CACNA1C: variants seen among roughly 807,000 people sequenced by gnomAD.
The protein encoded by CACNA1C is voltage-dependent L-type calcium channel subunit alpha-1C.
In CACNA1C, 30 loss-of-function variants were observed where a neutral mutation model predicts 229.0. The ratio of observed to expected loss-of-function variants is 0.13; its 90% CI spans 0.10 to 0.18. The LOEUF (loss-of-function observed/expected upper bound fraction) is 0.18. Among genes scored for constraint, CACNA1C ranks in the 10% least tolerant of loss-of-function variants. CACNA1C has a pLI of 1.00. For missense variants in CACNA1C, 1,658 were observed against 2,845.0 expected (o/e 0.58, Z 9.49); for synonymous variants, 1,114 against 1,132.5 (o/e 0.98, Z 0.33).
intron 3 of CACNA1C, among the ~76,000 whole-genome samples, chr12:2,219,226 G>T (rs2060800343): frequency 6.6e-6 from 1 of 152,350 alleles, no homozygotes; most frequent in South Asian, 2.1e-4. Flanking sequence ...AACTGGCCAT[G>T]CAGGGATTTG....
At chr12:2,236,287 T>C (rs1272812227) in intron 3 of CACNA1C, among the ~76,000 whole-genome samples, 1 of 152,184 alleles carries the variant, frequency 6.6e-6, no homozygotes, top group Non-Finnish European at 1.5e-5. Context: ...AGCTCCCAGG[T>C]AATGTCAGTG....
chr12:2,593,147 T>C, intron 18 of CACNA1C, 66 bp from the exon 19 acceptor site: 2 of 1,547,320 alleles, frequency 1.3e-6, no homozygotes, highest in Non-Finnish European at 1.8e-6. Flanking sequence ...AGTAGGAAGG[T>C]CTCTGAAAGT....
intron 3 of CACNA1C, among the ~76,000 whole-genome samples, chr12:2,291,035 C>A (rs968884202): frequency 2.2e-4 from 34 of 152,168 alleles, no homozygotes; most frequent in African/African-American, 7.7e-4. Context: ...CCAATTCCAG[C>A]TCTGTGTGCA....
intron 9 of CACNA1C, among the ~76,000 whole-genome samples, chr12:2,523,601 G>A (rs1456956216): frequency 8.5e-5 from 13 of 152,324 alleles, no homozygotes; most frequent in South Asian, 4.1e-4. Context: ...TCACTGACAC[G>A]TGGTGTCTTT....
At chr12:2,039,129 C>T (rs1403218711) in intron 1 of CACNA1C, among the ~76,000 whole-genome samples, 3 of 152,114 alleles carry the variant, frequency 2.0e-5, no homozygotes, top group Non-Finnish European at 4.4e-5. Context: ...TTTTAATAGA[C>T]AAATAAGAGC....
intron 3 of CACNA1C, among the ~76,000 whole-genome samples, chr12:2,344,318 T>C (rs2096944853): frequency 6.6e-6 from 1 of 152,126 alleles, no homozygotes; most frequent in African/African-American, 2.4e-5. Context: ...GCATTCTTTT[T>C]GAACACTTCC....
chr12:1,981,229 G>A (rs1183399187), intron 1 of CACNA1C, among the ~76,000 whole-genome samples: 1 of 152,096 alleles, frequency 6.6e-6, no homozygotes, highest in Non-Finnish European at 1.5e-5. Context: ...TCACTGCTTC[G>A]GGTTTCTACA....
intron 37 of CACNA1C, among the ~76,000 whole-genome samples, chr12:2,667,192 A>G (rs1445020513): frequency 3.2e-5 from 4 of 125,704 alleles, no homozygotes; most frequent in African/African-American, 1.7e-4. Flanking sequence ...CAGGGAGAGG[A>G]TTTCTCACTT....
chr12:2,640,676 C>T (rs1003848312), intron 30 of CACNA1C, among the ~76,000 whole-genome samples: 1 of 152,206 alleles, frequency 6.6e-6, no homozygotes, highest in African/African-American at 2.4e-5. Flanking sequence ...TGTCGGGATA[C>T]TGGTCCCAAG....
chr12:2,349,768 G>C (rs1195086059), intron 3 of CACNA1C, among the ~76,000 whole-genome samples: 1 of 152,158 alleles, frequency 6.6e-6, no homozygotes, highest in Non-Finnish European at 1.5e-5. Flanking sequence ...GGATAGGATG[G>C]TTGTATGGGA....
chr12:2,026,319 G>A (rs534274882), intron 1 of CACNA1C, among the ~76,000 whole-genome samples: 1 of 152,344 alleles, frequency 6.6e-6, no homozygotes, highest in African/African-American at 2.4e-5. Flanking sequence ...GTAACGGGGA[G>A]CCTTGAAAAT....
intron 1 of CACNA1C, chr12:1,992,860 G>A (rs961612534): frequency 2.4e-6 from 1 of 416,338 alleles, no homozygotes; most frequent in Non-Finnish European, 4.3e-6. Context: ...AGCTCACTCG[G>A]CCAAAAGTGA....
chr12:2,469,827 T>C lies in CACNA1C; in HGVS notation c.757+12121T>C, dbSNP rs952018926. 3.9e-5 allele frequency among the ~76,000 whole-genome samples: 6 copies of C among 152,236 alleles called. 1 individual carries two copies. The highest frequency in any genetic ancestry group is 7.3e-5 in the Non-Finnish European group (5 of 68,052). On this transcript the variant is annotated intron_variant, in intron 5 of 46. Coordinates refer to ENST00000399655, the MANE Select transcript of CACNA1C (RefSeq NM_000719.7). ...CTTAATTTTCCCAGAAATAATGCCT[T>C]GATCATATGTTTTCCCCAGAAATTG... is the stretch of plus-strand genomic sequence containing the variant.
At chr12:2,123,672 C>T (rs2088252433) in intron 3 of CACNA1C, among the ~76,000 whole-genome samples, 1 of 152,210 alleles carries the variant, frequency 6.6e-6, no homozygotes, top group Non-Finnish European at 1.5e-5. Context: ...GATGGCATTG[C>T]TGGCCTTGCT....
At chr12:2,401,642 T>C (rs955331180) in intron 3 of CACNA1C, among the ~76,000 whole-genome samples, 5 of 152,358 alleles carry the variant, frequency 3.3e-5, no homozygotes, top group African/African-American at 1.2e-4. Flanking sequence ...TAGCTTTGTT[T>C]CCTTGGCAAA....
chr12:2,086,104 A>T (rs932465358), intron 1 of CACNA1C, among the ~76,000 whole-genome samples: 5 of 152,124 alleles, frequency 3.3e-5, no homozygotes, highest in Non-Finnish European at 7.3e-5. Context: ...CCCATTGGAA[A>T]ACTCATCACT....
At chr12:2,565,250 T>A (rs905057223) in intron 11 of CACNA1C, among the ~76,000 whole-genome samples, 1 of 151,040 alleles carries the variant, frequency 6.6e-6, no homozygotes, top group Admixed American at 6.6e-5. Flanking sequence ...GGGTGGATCA[T>A]GAGGTCAGGA....
chr12:2,585,355 T>C lies in CACNA1C; in HGVS notation c.2340-21T>C, dbSNP rs1218155658. On this transcript the variant is annotated intron_variant, in intron 16 of 46. Transcript: ENST00000399655. This position sits in a 1 kb window ranked among gnomAD's most constrained non-coding sequence, Gnocchi z 4.1. Reference sequence around the variant, plus strand: ...ACTCCAGTAAACAGCCATTTATTTTTTTCTGCTGCTGACTGGCCAGGACTG... The same window carrying C: ...ACTCCAGTAAACAGCCATTTATTTTCTTCTGCTGCTGACTGGCCAGGACTG... 13 of 1,607,562 alleles carry C rather than the reference T, an allele frequency of 8.1e-6. No individual in the cohort carries two copies. The highest frequency in any genetic ancestry group is 1.0e-5 in the Non-Finnish European group (12 of 1,177,002).
At chr12:2,577,528 A>C (rs184718492) in intron 13 of CACNA1C, among the ~76,000 whole-genome samples, 82 of 152,304 alleles carry the variant, frequency 5.4e-4, no homozygotes, top group Non-Finnish European at 3.8e-4. Context: ...CCATGGATGT[A>C]GGGAAGCTAT....
Sources: gnomAD v4.1 joint callset for allele counts (sites outside exome capture counted in the v4.1 genomes callset) on GRCh38, gnomAD v4.1.1 for gene constraint, Gnocchi (gnomAD v3.1) non-coding constraint, MANE v1.5 for transcripts, NCBI Gene and HGNC (gene_info 2026-07-23, HGNC 2026-07-21) for gene names.